RNF220: variants seen among roughly 807,000 people sequenced by gnomAD.
The protein encoded by RNF220 is ring finger protein 220.
A neutral mutation model predicts 67.1 loss-of-function variants in RNF220; 7 were observed. That is an observed-to-expected ratio of 0.10 (90% CI 0.06 to 0.20). The LOEUF is 0.20. Among genes scored for constraint, RNF220 ranks in the 10% least tolerant of loss-of-function variants. The pLI, the probability that RNF220 is intolerant of heterozygous loss-of-function variation, is 1.00. For synonymous variants in RNF220, 270 were observed against 283.2 expected, an observed-to-expected ratio of 0.95 and a Z score of 0.47; for missense variants, 565 against 740.3, an observed-to-expected ratio of 0.76 and a Z score of 2.75.
intron 2 of RNF220, among the ~76,000 whole-genome samples, chr1:44,460,537 CAG>C (rs751314526): frequency 1.6e-4 from 24 of 152,156 alleles, no homozygotes; most frequent in African/African-American, 3.6e-4. Context: ...TAGGAAAAAA[CAG>C]GGTAAAATGG....
At chr1:44,580,367 T>C (rs959881447) in intron 2 of RNF220, among the ~76,000 whole-genome samples, 4 of 152,122 alleles carry the variant, frequency 2.6e-5, no homozygotes, top group African/African-American at 7.2e-5. Flanking sequence ...TCGGGTCATG[T>C]TGGAAATCAC....
intron 2 of RNF220, among the ~76,000 whole-genome samples, chr1:44,500,598 C>T (rs1162021885): frequency 3.3e-5 from 5 of 152,194 alleles, no homozygotes; most frequent in Non-Finnish European, 5.9e-5. Flanking sequence ...TCAATGAGTA[C>T]TTGTTGAATT....
In RNF220 at chr1:44,650,333, C is replaced by T; in HGVS notation, c.1630-371C>T. On this transcript the variant is annotated intron_variant, in intron 14 of 14. Coordinates refer to ENST00000361799, the MANE Select transcript of RNF220 (RefSeq NM_018150.4). This position sits in a 1 kb window ranked among gnomAD's most constrained non-coding sequence, Gnocchi z 4.3. ...AGCTCCTTCTGCTCCTGCCCCTGTT[C>T]TTCGCTCAGGAGCAGCCATTAAAAT... 2.1e-6 allele frequency: 1 copy of T among 477,394 alleles called. No homozygotes were observed. Among genetic ancestry groups the T allele is most frequent in the Non-Finnish European group, 3.8e-6 (1 of 262,286 alleles). 29.6% of individuals were successfully genotyped at this position (477,394 alleles called of 1,614,324 possible).
At chr1:44,439,155 A>G (rs1651295667) in intron 2 of RNF220, among the ~76,000 whole-genome samples, 1 of 152,242 alleles carries the variant, frequency 6.6e-6, no homozygotes, top group African/African-American at 2.4e-5. Context: ...AGGTAGGCAT[A>G]TTTAAATCTT....
chr1:44,471,341 G>A (rs190832487), intron 2 of RNF220, among the ~76,000 whole-genome samples: 13 of 152,126 alleles, frequency 8.5e-5, no homozygotes, highest in Admixed American at 4.6e-4. Flanking sequence ...CGGGAGAATC[G>A]CTTGAACCTG....
chr1:44,552,909 T>G (rs1662778320), intron 2 of RNF220, among the ~76,000 whole-genome samples: 1 of 152,186 alleles, frequency 6.6e-6, no homozygotes, highest in Non-Finnish European at 1.5e-5. Flanking sequence ...ACATGTCATC[T>G]GATCTCTACC....
intron 1 of RNF220, chr1:44,409,050 A>AT (rs1417079941): frequency 6.6e-6 from 1 of 152,204 alleles, no homozygotes; most frequent in Non-Finnish European, 1.5e-5. Context: ...AGCCTCAGAC[A>AT]TTTTCACGTT....
intron 2 of RNF220, among the ~76,000 whole-genome samples, chr1:44,499,108 TC>T (rs1169618653): frequency 6.6e-6 from 1 of 152,088 alleles, no homozygotes. Context: ...GCCTTTCATG[TC>T]CCCCACCCCA....
intron 2 of RNF220, among the ~76,000 whole-genome samples, chr1:44,501,273 G>A (rs899711752): frequency 1.3e-5 from 2 of 152,080 alleles, no homozygotes; most frequent in African/African-American, 4.8e-5. Context: ...GAGGAGTAGA[G>A]AGTGGTGCAG....
At chr1:44,614,739 T>G (rs1432167895) in intron 3 of RNF220, among the ~76,000 whole-genome samples, 1 of 152,166 alleles carries the variant, frequency 6.6e-6, no homozygotes, top group Non-Finnish European at 1.5e-5. Context: ...CTTAAGAATG[T>G]GCTCAGGTGT....
intron 2 of RNF220, among the ~76,000 whole-genome samples, chr1:44,477,094 A>G (rs2148009892): frequency 6.6e-6 from 1 of 152,322 alleles, no homozygotes; most frequent in Non-Finnish European, 1.5e-5. Context: ...ATTGAATTAC[A>G]TTTTCTAAAG....
intron 2 of RNF220, among the ~76,000 whole-genome samples, chr1:44,422,995 G>A (rs982043623): frequency 3.0e-4 from 46 of 152,202 alleles, no homozygotes; most frequent in African/African-American, 1.1e-3. Flanking sequence ...CAGGCACCAT[G>A]CGAGGTACTG....
chr1:44,648,487 G>C (rs1008744840), intron 12 of RNF220: 5 of 152,132 alleles, frequency 3.3e-5, no homozygotes, highest in African/African-American at 1.2e-4. Context: ...AGCTCCCCTG[G>C]ATCCTGTTCA....
At chr1:44,581,604 C>A (rs1471365537) in intron 2 of RNF220, among the ~76,000 whole-genome samples, 2 of 152,172 alleles carry the variant, frequency 1.3e-5, no homozygotes. Context: ...CTAAGACGAT[C>A]ATCCTTTGGC....
At chr1:44,471,331 C>T (rs143780286) in intron 2 of RNF220, among the ~76,000 whole-genome samples, 55 of 152,148 alleles carry the variant, frequency 3.6e-4, no homozygotes, top group African/African-American at 4.3e-4. Context: ...GAGGCTGAGG[C>T]GGGAGAATCG....
chr1:44,601,394 T>C (rs1666907809), intron 2 of RNF220, among the ~76,000 whole-genome samples: 1 of 152,162 alleles, frequency 6.6e-6, no homozygotes, highest in African/African-American at 2.4e-5. Context: ...GGGTTGTTGA[T>C]GCTGATGTTG....
At chr1:44,447,753 A>G (rs1271381596) in intron 2 of RNF220, among the ~76,000 whole-genome samples, 1 of 152,168 alleles carries the variant, frequency 6.6e-6, no homozygotes, top group Non-Finnish European at 1.5e-5. Context: ...AAGGTGAGTG[A>G]CTTGCCCACT....
At chr1:44,483,877 C>T (rs1572642770) in intron 2 of RNF220, among the ~76,000 whole-genome samples, 1 of 152,216 alleles carries the variant, frequency 6.6e-6, no homozygotes, top group Non-Finnish European at 1.5e-5. Context: ...CAGAATGCAG[C>T]TTGTCTGGTG....
intron 2 of RNF220, among the ~76,000 whole-genome samples, chr1:44,561,628 A>C (rs1373097108): frequency 1.3e-5 from 2 of 152,202 alleles, no homozygotes; most frequent in Admixed American, 1.3e-4. Flanking sequence ...TTAGTGAGCT[A>C]GCCAGGGGCC....
Sources: gnomAD v4.1 joint callset for allele counts (sites outside exome capture counted in the v4.1 genomes callset) on GRCh38, gnomAD v4.1.1 for gene constraint, Gnocchi (gnomAD v3.1) non-coding constraint, MANE v1.5 for transcripts, NCBI Gene and HGNC (gene_info 2026-07-23, HGNC 2026-07-21) for gene names.